IFI27L1: variants seen among roughly 807,000 people sequenced by gnomAD.
IFI27L1 encodes the protein interferon alpha-inducible protein 27-like protein 1.
Under a neutral mutation model 9.2 loss-of-function variants are expected in IFI27L1, and 3 were observed. The ratio of observed to expected loss-of-function variants is 0.32; its 90% CI spans 0.15 to 0.84. The LOEUF is 0.84. IFI27L1 is among the 40% of genes least tolerant of loss of function. The pLI is 0.56. For missense variants in IFI27L1, 133 were observed against 134.2 expected (o/e 0.99, Z 0.05); for synonymous variants, 53 against 50.0 (o/e 1.06, Z -0.26).
At chr14:94,098,904 G>A (rs1295514380) in intron 2 of IFI27L1, among the ~76,000 whole-genome samples, 1 of 152,250 alleles carries the variant, frequency 6.6e-6, no homozygotes, top group African/African-American at 2.4e-5. Flanking sequence ...GGACAAGAAA[G>A]CTAGGTAACT....
At chr14:94,092,450 G>A (rs1458726771) in intron 1 of IFI27L1, among the ~76,000 whole-genome samples, 2 of 152,072 alleles carry the variant, frequency 1.3e-5, no homozygotes, top group African/African-American at 4.8e-5. Context: ...GGTGGAGGAT[G>A]CAGTGAGCCA....
chr14:94,096,716 T>C, intron 1 of IFI27L1, 171 bp from the exon 2 acceptor site: 1 of 424,254 alleles, frequency 2.4e-6, no homozygotes, highest in Non-Finnish European at 4.2e-6. Context: ...AAAAAAAGGC[T>C]ATGCTTTAAA....
chr14:94,092,417 A>G (rs1336269504), intron 1 of IFI27L1, among the ~76,000 whole-genome samples: 1 of 152,014 alleles, frequency 6.6e-6, no homozygotes, highest in East Asian at 1.9e-4. Flanking sequence ...AGGCTGAGGC[A>G]GGAGAATTGC....
Position 94,096,971 on chromosome 14 carries a change from TA to T in IFI27L1, c.28+7del, listed in dbSNP as rs1886696543. 2 of 1,611,242 alleles carry T rather than the reference TA, an allele frequency of 1.2e-6. No individual in the cohort carries two copies. The highest frequency in any genetic ancestry group is 3.4e-5 in the Admixed American group (2 of 59,638). On this transcript the variant is annotated splice_region_variant and intron_variant, in intron 2 of 4. Coordinates refer to ENST00000555523, the MANE Select transcript of IFI27L1 (RefSeq NM_206949.3). ...GGAGAGTGGATGGGACTCAGGTGGG[TA>T]CTGCACATGATTCTGGGGGCTGCTG...
chr14:94,102,122 A>T (rs1434390670), intron 4 of IFI27L1, 147 bp downstream of exon 4: 6 of 828,794 alleles, frequency 7.2e-6, no homozygotes, highest in Non-Finnish European at 1.2e-5. Flanking sequence ...TTCTGGTTGG[A>T]GGTGGGACCA....
chr14:94,097,611 G>A lies in IFI27L1; in HGVS notation c.28+646G>A, dbSNP rs114827537. 2.4e-4 allele frequency: 170 copies of A among 702,270 alleles called. No homozygotes were observed. In the African/African-American group the frequency reaches 2.8e-3, roughly 11 times the overall value. 43.5% of individuals were successfully genotyped at this position (702,270 alleles called of 1,614,324 possible). A position where few individuals can be genotyped will look rare whatever the true frequency, so the allele number is the denominator to read the frequency against. ...TCCTCCAGTCATCCCACTGAGAGAC[G>A]CGGGTGGCTTGGTCCGGGACTGGAG... On this transcript the variant is annotated intron_variant, in intron 2 of 4. Transcript: ENST00000555523.
intron 1 of IFI27L1, among the ~76,000 whole-genome samples, chr14:94,086,238 C>G (rs1477763837): frequency 6.6e-6 from 1 of 152,168 alleles, no homozygotes; most frequent in Non-Finnish European, 1.5e-5. Flanking sequence ...TGCCTGCCCC[C>G]CTTCCACCTT....
chr14:94,092,462 G>C (rs1886515326), intron 1 of IFI27L1, among the ~76,000 whole-genome samples: 1 of 152,110 alleles, frequency 6.6e-6, no homozygotes, highest in South Asian at 2.1e-4. Flanking sequence ...AGTGAGCCAA[G>C]ATTGCACCAC....
At chr14:94,083,600 G>A (rs1194536293) in intron 1 of IFI27L1, among the ~76,000 whole-genome samples, 2 of 152,012 alleles carry the variant, frequency 1.3e-5, no homozygotes, top group Non-Finnish European at 2.9e-5. Context: ...TCAATCAGCT[G>A]GTTTCAGAAA....
At chr14:94,090,972 G>A (rs1464477314) in intron 1 of IFI27L1, among the ~76,000 whole-genome samples, 1 of 152,112 alleles carries the variant, frequency 6.6e-6, no homozygotes, top group Non-Finnish European at 1.5e-5. Flanking sequence ...GTTGTAAATA[G>A]CTCAAAATAA....
At chr14:94,097,097 T>C in intron 2 of IFI27L1, 132 bp downstream of exon 2, 2 of 671,878 alleles carry the variant, frequency 3.0e-6, no homozygotes, top group South Asian at 5.0e-5. Flanking sequence ...AAAAGAATTA[T>C]TCAGGAATGA....
At chr14:94,088,311 T>C (rs980512753) in intron 1 of IFI27L1, 2 of 702,208 alleles carry the variant, frequency 2.8e-6, no homozygotes, top group Admixed American at 2.0e-5. Flanking sequence ...AAGGTAAGTT[T>C]TCATTTTACT....
intron 4 of IFI27L1, 61 bp downstream of exon 4, chr14:94,102,036 G>A: frequency 6.3e-7 from 1 of 1,581,046 alleles, no homozygotes; most frequent in Non-Finnish European, 8.7e-7. Flanking sequence ...GGCTGAACCA[G>A]GGAGGCCTCT....
At chr14:94,089,423 A>G (rs2141448431) in intron 1 of IFI27L1, 1 of 152,266 alleles carries the variant, frequency 6.6e-6, no homozygotes. Flanking sequence ...GCGTTTATAA[A>G]TGGTCATGGT....
chr14:94,097,538 C>A, intron 2 of IFI27L1: 1 of 679,530 alleles, frequency 1.5e-6, no homozygotes, highest in South Asian at 1.6e-5. Flanking sequence ...ATTCCGGGTT[C>A]AGCAGTGACT....
chr14:94,099,013 G>C (rs2139274236), intron 2 of IFI27L1, among the ~76,000 whole-genome samples: 1 of 152,302 alleles, frequency 6.6e-6, no homozygotes, highest in East Asian at 1.9e-4. Flanking sequence ...TTGCTCTAAG[G>C]AGCAAAGCAA....
At chr14:94,087,800 C>T (rs1435766795) in intron 1 of IFI27L1, among the ~76,000 whole-genome samples, 1 of 151,984 alleles carries the variant, frequency 6.6e-6, no homozygotes, top group Non-Finnish European at 1.5e-5. Flanking sequence ...ATCAAAAACA[C>T]GGTGATCATC....
chr14:94,084,163 C>T (rs1886203052), intron 1 of IFI27L1, among the ~76,000 whole-genome samples: 1 of 151,992 alleles, frequency 6.6e-6, no homozygotes. Flanking sequence ...ATTAATTTGC[C>T]AGAGTCATAC....
chr14:94,096,768 T>A, intron 1 of IFI27L1, 119 bp from the exon 2 acceptor site: 1 of 568,666 alleles, frequency 1.8e-6, no homozygotes, highest in Non-Finnish European at 3.2e-6. Flanking sequence ...CGGGATTATA[T>A]GTTTTATATG....
Sources: gnomAD v4.1 joint callset for allele counts (sites outside exome capture counted in the v4.1 genomes callset) on GRCh38, gnomAD v4.1.1 for gene constraint, MANE v1.5 for transcripts, NCBI Gene and HGNC (gene_info 2026-07-23, HGNC 2026-07-21) for gene names.